Variants in PLEKHA1 observed in about 807,000 individuals in gnomAD.
PLEKHA1 encodes the protein pleckstrin homology domain-containing family A member 1.
A neutral mutation model predicts 52.0 loss-of-function variants in PLEKHA1; 34 were observed. The ratio of observed to expected loss-of-function variants is 0.65; its 90% CI spans 0.50 to 0.87. The LOEUF (loss-of-function observed/expected upper bound fraction) is 0.87, where lower values mean the gene tolerates loss of function less well. PLEKHA1 is among the 40% of genes least tolerant of loss of function. PLEKHA1 has a pLI of 0.00. For synonymous variants in PLEKHA1, 163 were observed against 170.7 expected (o/e 0.95, Z 0.35); for missense variants, 497 against 504.2 (o/e 0.99, Z 0.14).
rs778346978 is a variant in PLEKHA1, at chr10:122,400,429, A to G, written c.244+41A>G. On this transcript the variant is annotated intron_variant, in intron 4 of 11. Coordinates refer to ENST00000368990, the MANE Select transcript of PLEKHA1 (RefSeq NM_001001974.4). The stretch of plus-strand genomic sequence containing the variant: ...ATATATATTTTAAATAGACTGATAT[A>G]ATTGTATCATATTGTAAAAGAAAAC... 5 of 1,529,848 alleles carry G rather than the reference A, an allele frequency of 3.3e-6. No individual in the cohort carries two copies. The Admixed American group carries it at 1.0e-4, about 31-fold the overall frequency. 94.8% of individuals were successfully genotyped at this position (1,529,848 alleles called of 1,614,324 possible). A position where few individuals can be genotyped will look rare whatever the true frequency, so the allele number is the denominator to read the frequency against.
chr10:122,383,338 T>TA (rs2096642936), intron 1 of PLEKHA1, among the ~76,000 whole-genome samples: 2 of 150,208 alleles, frequency 1.3e-5, no homozygotes, highest in African/African-American at 2.4e-5. Context: ...TTTTTTTTTT[T>TA]AGAATGGGTC....
chr10:122,386,411 T>A (rs1213896504), intron 1 of PLEKHA1, among the ~76,000 whole-genome samples: 1 of 152,138 alleles, frequency 6.6e-6, no homozygotes, highest in Non-Finnish European at 1.5e-5. Context: ...ACATATATAT[T>A]GAATATTTTC....
At chr10:122,388,492 G>A (rs2096732016) in intron 1 of PLEKHA1, among the ~76,000 whole-genome samples, 1 of 152,062 alleles carries the variant, frequency 6.6e-6, no homozygotes, top group Admixed American at 6.6e-5. Context: ...GTTCAATTCT[G>A]AATATCTGAA....
chr10:122,428,044 C>T (rs78832427), intron 11 of PLEKHA1, among the ~76,000 whole-genome samples: 7,919 of 152,190 alleles, frequency 0.052, 256 homozygotes, highest in East Asian at 0.14. Flanking sequence ...CATAGATGTT[C>T]ATTTTGTAAC....
At chr10:122,427,095 T>G in intron 11 of PLEKHA1, 64 bp downstream of exon 11, 6 of 1,419,456 alleles carry the variant, frequency 4.2e-6, no homozygotes, top group Non-Finnish European at 5.9e-6. Flanking sequence ...AAATTTCCTC[T>G]CTCCCAATCC....
intron 1 of PLEKHA1, among the ~76,000 whole-genome samples, chr10:122,388,926 C>T (rs1341928602): frequency 1.5e-5 from 2 of 134,846 alleles, no homozygotes; most frequent in African/African-American, 5.1e-5. Flanking sequence ...TTTTCAGGCC[C>T]TTCTAATTCT....
At position 122,430,131 on chromosome 10, in the gene PLEKHA1, AAG is replaced by A. The variant is rs1269163555; in HGVS notation, c.*195_*196del. The A allele has an allele frequency of 6.3e-6, 4 of 635,500 alleles. No individual in the cohort carries two copies. The African/African-American group carries it at 7.5e-5, about 12-fold the overall frequency. The allele number at this position is 635,500 out of a possible 1,614,324, so 39.4% of individuals were successfully genotyped here. On this transcript the variant is annotated 3_prime_UTR_variant, in exon 12 of 12. Transcript: ENST00000368990. ...CTAAATATAATTTCTTTAAAAAAGA[AAG>A]AAAAAGGAAAAATCCAAAATATCTC...
At chr10:122,401,947 A>G (rs1309894793) in intron 4 of PLEKHA1, among the ~76,000 whole-genome samples, 1 of 152,208 alleles carries the variant, frequency 6.6e-6, no homozygotes, top group African/African-American at 2.4e-5. Flanking sequence ...GTGGCTGTCA[A>G]GGGAATCCTC....
At chr10:122,386,370 C>T (rs1398286853) in intron 1 of PLEKHA1, among the ~76,000 whole-genome samples, 2 of 151,590 alleles carry the variant, frequency 1.3e-5, no homozygotes, top group Non-Finnish European at 2.9e-5. Context: ...TAATTACCTG[C>T]CTGTTCTAGG....
chr10:122,395,411 G>A (rs932429122), intron 2 of PLEKHA1, among the ~76,000 whole-genome samples: 3 of 152,052 alleles, frequency 2.0e-5, no homozygotes, highest in African/African-American at 7.2e-5. Context: ...ACTTTTAAAT[G>A]TAATAATCAA....
At chr10:122,400,303 T>C (rs758934862) in intron 3 of PLEKHA1, 40 bp from the exon 4 acceptor site, 1 of 1,562,090 alleles carries the variant, frequency 6.4e-7, no homozygotes, top group Admixed American at 2.0e-5. Context: ...TTTAGGATTA[T>C]ATGGAGAAGT....
intron 6 of PLEKHA1, among the ~76,000 whole-genome samples, chr10:122,413,882 C>CT (rs2097139430): frequency 6.6e-6 from 1 of 152,054 alleles, no homozygotes; most frequent in Admixed American, 6.6e-5. Context: ...GACTTTGACA[C>CT]TTTATAAATC....
rs192254276 is a variant in PLEKHA1, at chr10:122,379,721, G to C, written c.-21+4915G>C. Among the ~76,000 whole-genome samples the C allele has an allele frequency of 3.2e-4, 48 of 152,332 alleles. No individual in the cohort carries two copies. The East Asian group carries it at 8.1e-3, about 26-fold the overall frequency. On this transcript the variant is annotated intron_variant, in intron 1 of 11. Transcript: ENST00000368990. ...TCTATGTCTATATATCCTCAGCTTT[G>C]TGTTTGTCAGTGATTGTGGGGCAAC... is the stretch of plus-strand genomic sequence containing the variant.
At chr10:122,426,861 T>C in intron 10 of PLEKHA1, 81 bp from the exon 11 acceptor site, 1 of 1,192,332 alleles carries the variant, frequency 8.4e-7, no homozygotes, top group South Asian at 1.4e-5. Context: ...GTATTTTAAG[T>C]TATCAAAATA....
At chr10:122,436,046 G>A (rs948760692), downstream of PLEKHA1, 4 of 152,134 alleles carry the variant, frequency 2.6e-5, no homozygotes, top group East Asian at 3.9e-4. Context: ...CCTCTTTGTT[G>A]TTCTTTTTAT....
At chr10:122,441,923 C>A in the PLEKHA1 span, 1 of 152,194 alleles carries the variant, frequency 6.6e-6, no homozygotes, top group Non-Finnish European at 1.5e-5. Context: ...TGTTTGGAAT[C>A]TTTTATGATG....
At chr10:122,414,504 G>T (rs1565267508) in intron 6 of PLEKHA1, among the ~76,000 whole-genome samples, 1 of 152,178 alleles carries the variant, frequency 6.6e-6, no homozygotes, top group East Asian at 1.9e-4. Flanking sequence ...TTAAGAGGAT[G>T]AAAAGAAAAG....
Position 122,429,913 on chromosome 10 carries a change from C to G in PLEKHA1, c.1190C>G (p.Ala397Gly). The change falls in exon 12 of 12, where the codon GCG (alanine) becomes GGG (glycine). Residue 397 changes from alanine to glycine, a missense_variant. Physicochemically the swap from Ala to Gly is moderately conservative, Grantham distance 60 (BLOSUM62 0). Transcript: ENST00000368990. ...KDCDLVDLDD[A>G]SLPVSDV ...TGTGACCTAGTAGACTTGGACGATGCGAGCCTTCCGGTCAGTGACGTGTGA... is the reference window on the plus strand; with the variant it reads ...TGTGACCTAGTAGACTTGGACGATGGGAGCCTTCCGGTCAGTGACGTGTGA... 1 of 1,613,446 alleles carries G rather than the reference C, an allele frequency of 6.2e-7. No homozygotes were observed. Among genetic ancestry groups the G allele is most frequent in the Non-Finnish European group, 8.5e-7 (1 of 1,179,646 alleles).
chr10:122,427,855 T>G (rs1046212952), intron 11 of PLEKHA1, among the ~76,000 whole-genome samples: 6 of 152,232 alleles, frequency 3.9e-5, no homozygotes, highest in Admixed American at 6.5e-5. Context: ...TACTATGACA[T>G]ATATGCTAGT....
Sources: allele counts gnomAD v4.1 joint callset (sites outside exome capture counted in the v4.1 genomes callset), GRCh38; gene constraint gnomAD v4.1.1; transcripts MANE v1.5; gene names NCBI Gene and HGNC (gene_info 2026-07-23, HGNC 2026-07-21).